Variants in ITPR1 observed in about 807,000 individuals in gnomAD.
ITPR1 encodes the protein inositol 1,4,5-trisphosphate receptor type 1.
ITPR1 carries 96 observed loss-of-function variants against 318.4 expected under a neutral mutation model. The ratio of observed to expected loss-of-function variants is 0.30; its 90% CI spans 0.26 to 0.36. The LOEUF is 0.36. ITPR1 is among the 10% of genes least tolerant of loss of function. The probability of loss-of-function intolerance (pLI) is 1.00; values close to 1 mark genes in which losing one functional copy is unlikely to be tolerated. For missense variants in ITPR1, 2,440 were observed against 3,460.2 expected, an observed-to-expected ratio of 0.71 and a Z score of 7.40; for synonymous variants, 1,312 against 1,289.9, an observed-to-expected ratio of 1.02 and a Z score of -0.37.
intron 5 of ITPR1, among the ~76,000 whole-genome samples, chr3:4,636,079 C>T (rs965625453): frequency 6.6e-6 from 1 of 151,738 alleles, no homozygotes; most frequent in Non-Finnish European, 1.5e-5. Context: ...AGGCTGGTCT[C>T]GAACTCCCGA....
At chr3:4,664,531 T>A (rs1294770115) in intron 16 of ITPR1, among the ~76,000 whole-genome samples, 1 of 152,252 alleles carries the variant, frequency 6.6e-6, no homozygotes, top group African/African-American at 2.4e-5. Context: ...TAACAATCCA[T>A]CTTGTTTCAA....
At chr3:4,737,719 A>G (rs1257911601) in intron 44 of ITPR1, among the ~76,000 whole-genome samples, 1 of 152,192 alleles carries the variant, frequency 6.6e-6, no homozygotes, top group Non-Finnish European at 1.5e-5. Flanking sequence ...AATGGGCAGT[A>G]ATTTGTGGAA....
At chr3:4,626,903 C>G (rs986365654) in intron 4 of ITPR1, among the ~76,000 whole-genome samples, 1 of 152,182 alleles carries the variant, frequency 6.6e-6, no homozygotes, top group Non-Finnish European at 1.5e-5. Context: ...ACTGCAACCT[C>G]TGCTTCCCAG....
intron 55 of ITPR1, among the ~76,000 whole-genome samples, chr3:4,810,824 CGCTG>C (rs2048893593): frequency 6.6e-6 from 1 of 152,170 alleles, no homozygotes. Context: ...TTGCCACTGA[CGCTG>C]GCTTGTAGTA....
intron 4 of ITPR1, among the ~76,000 whole-genome samples, chr3:4,583,604 G>C (rs759343788): frequency 2.6e-5 from 4 of 152,238 alleles, no homozygotes; most frequent in African/African-American, 4.8e-5. Flanking sequence ...TTTTAGGAAA[G>C]ATACAGCTTG....
chr3:4,731,939 C>A (rs1423933793), intron 42 of ITPR1, among the ~76,000 whole-genome samples: 3 of 152,208 alleles, frequency 2.0e-5, no homozygotes, highest in African/African-American at 7.2e-5. Context: ...GTTTTAGAGA[C>A]CTGCTAGATT....
chr3:4,663,296 G>A (rs774702955), intron 16 of ITPR1, 90 bp downstream of exon 16: 87 of 1,256,234 alleles, frequency 6.9e-5, no homozygotes, highest in Non-Finnish European at 9.0e-5. Flanking sequence ...CAGCACTTTG[G>A]GAAGCCGAGG....
At chr3:4,498,638 C>T (rs996050286) in intron 2 of ITPR1, among the ~76,000 whole-genome samples, 1 of 152,118 alleles carries the variant, frequency 6.6e-6, no homozygotes, top group East Asian at 1.9e-4. Flanking sequence ...GATGGGAACT[C>T]GATAGGGGGT....
intron 24 of ITPR1, among the ~76,000 whole-genome samples, chr3:4,679,599 G>A (rs1249924141): frequency 6.6e-6 from 1 of 152,220 alleles, no homozygotes; most frequent in Non-Finnish European, 1.5e-5. Flanking sequence ...CACTGGGTGA[G>A]AGCGGATCTT....
chr3:4,840,806 T>C (rs1053353462), intron 61 of ITPR1, among the ~76,000 whole-genome samples: 2 of 152,234 alleles, frequency 1.3e-5, no homozygotes, highest in South Asian at 2.1e-4. Context: ...GGAGAACTAA[T>C]GTAAGAACTT....
chr3:4,632,042 A>G (rs1575811112), intron 5 of ITPR1, among the ~76,000 whole-genome samples: 1 of 152,224 alleles, frequency 6.6e-6, no homozygotes, highest in Non-Finnish European at 1.5e-5. Context: ...GGATTGTAAC[A>G]TGCGTTCACT....
In ITPR1 at chr3:4,815,031, T is replaced by G. The variant is rs768262399; in HGVS notation, c.7702-22T>G. On this transcript the variant is annotated intron_variant, in intron 58 of 61. Transcript: ENST00000649015. ...AAGGGTCGCAAGGGACCCAGACTGATCCAGACACCTCTCTTTTCCAGGAAC... is the reference window on the plus strand; with the variant it reads ...AAGGGTCGCAAGGGACCCAGACTGAGCCAGACACCTCTCTTTTCCAGGAAC... 6 of 1,596,426 alleles carry G rather than the reference T, an allele frequency of 3.8e-6. No individual in the cohort carries two copies. The South Asian group carries it at 6.8e-5, about 18-fold the overall frequency.
intron 2 of ITPR1, among the ~76,000 whole-genome samples, chr3:4,513,638 T>TGGAA (rs1329685084): frequency 2.0e-5 from 3 of 152,190 alleles, no homozygotes; most frequent in African/African-American, 7.2e-5. Flanking sequence ...TTCTGACTTA[T>TGGAA]GGAAGTATTA....
At chr3:4,785,110 G>C (rs140098204) in intron 51 of ITPR1, among the ~76,000 whole-genome samples, 1 of 152,310 alleles carries the variant, frequency 6.6e-6, no homozygotes, top group Non-Finnish European at 1.5e-5. Flanking sequence ...TCTTCTCTGG[G>C]GGAAAGAAAC....
chr3:4,823,592 G>A (rs2049863744), intron 60 of ITPR1, among the ~76,000 whole-genome samples: 1 of 152,046 alleles, frequency 6.6e-6, no homozygotes, highest in Non-Finnish European at 1.5e-5. Flanking sequence ...TTTATATGTG[G>A]GGGCTAAAAA....
chr3:4,538,215 AC>A lies in ITPR1; in HGVS notation c.163+17124del, dbSNP rs2084058769. On this transcript the variant is annotated intron_variant, in intron 4 of 61. Coordinates refer to ENST00000649015, the MANE Select transcript of ITPR1 (RefSeq NM_001378452.1). ...AAATTTACAAGAAAAAAACCAAACA[AC>A]CCTATTAAAAAGCAAGCAAAGGACA... Among the ~76,000 whole-genome samples, 7 of 152,324 alleles carry A rather than the reference AC, an allele frequency of 4.6e-5. No individual in the cohort carries two copies. In the South Asian group the frequency reaches 1.5e-3, roughly 32 times the overall value.
intron 52 of ITPR1, 104 bp from the exon 53 acceptor site, chr3:4,794,961 A>G: frequency 1.5e-6 from 2 of 1,311,350 alleles, no homozygotes; most frequent in Non-Finnish European, 2.0e-6. Context: ...AACCGGGAAC[A>G]AAAGTGGACT....
chr3:4,710,527 CA>C lies in ITPR1; in HGVS notation c.4991+57del, dbSNP rs1178603964. ...ATTTGCCAGAACCTTGATGACCTCA[CA>C]AAGCTTTTGTTCCCGAAGAAGGAGA... On this transcript the variant is annotated intron_variant, in intron 38 of 61. Coordinates refer to ENST00000649015, the MANE Select transcript of ITPR1 (RefSeq NM_001378452.1). This position sits in a 1 kb window ranked among gnomAD's most constrained non-coding sequence, Gnocchi z 4.2. 1 of 1,512,922 alleles carries C rather than the reference CA, an allele frequency of 6.6e-7. No individual in the cohort carries two copies. Among genetic ancestry groups the C allele is most frequent in the Non-Finnish European group, 8.9e-7 (1 of 1,117,770 alleles). 93.7% of individuals were successfully genotyped at this position (1,512,922 alleles called of 1,614,324 possible).
intron 29 of ITPR1, among the ~76,000 whole-genome samples, chr3:4,684,814 A>G (rs2094362958): frequency 6.6e-6 from 1 of 152,194 alleles, no homozygotes; most frequent in African/African-American, 2.4e-5. Flanking sequence ...AGGTCATTCC[A>G]TTTTAAGCGA....
Sources: gnomAD v4.1 joint callset for allele counts (sites outside exome capture counted in the v4.1 genomes callset) on GRCh38, gnomAD v4.1.1 for gene constraint, Gnocchi (gnomAD v3.1) non-coding constraint, MANE v1.5 for transcripts, NCBI Gene and HGNC (gene_info 2026-07-23, HGNC 2026-07-21) for gene names.